TMEM44: variants seen among roughly 807,000 people sequenced by gnomAD.
TMEM44 encodes the protein transmembrane protein 44.
TMEM44 carries 43 observed loss-of-function variants against 47.8 expected under a neutral mutation model. The observed-to-expected ratio is 0.90, with a 90% confidence interval of 0.70 to 1.16. The LOEUF (loss-of-function observed/expected upper bound fraction) is 1.16, where lower values mean the gene tolerates loss of function less well. Among genes scored for constraint, TMEM44 ranks in the 50% most tolerant of loss-of-function variants. TMEM44 has a pLI of 0.00. For missense variants in TMEM44, 568 were observed against 555.2 expected (o/e 1.02, Z -0.23); for synonymous variants, 277 against 238.8 (o/e 1.16, Z -1.48).
intron 5 of TMEM44, among the ~76,000 whole-genome samples, chr3:194,619,082 G>A (rs1309715054): frequency 6.6e-6 from 1 of 152,250 alleles, no homozygotes; most frequent in Non-Finnish European, 1.5e-5. Context: ...TGTTACAGAG[G>A]ACACTGACGG....
At position 194,588,591 on chromosome 3, in the gene TMEM44, G is replaced by GC. The variant is rs1200210161; in HGVS notation, c.1224dup (p.Leu409AlafsTer18). ...TCCTGGTGCACCTGGGATCCCAGTA[G>GC]CTCCACATTTTCTTTGCTGCCTTCG... On this transcript the variant is annotated frameshift_variant, in exon 10 of 10. Coordinates refer to ENST00000347147, the MANE Select transcript of TMEM44 (RefSeq NM_001011655.3). LOFTEE classifies it low-confidence loss of function (END_TRUNC). 2 of 1,614,204 alleles carry GC rather than the reference G, an allele frequency of 1.2e-6. No individual in the cohort carries two copies. The highest frequency in any genetic ancestry group is 1.7e-6 in the Non-Finnish European group (2 of 1,180,048).
At chr3:194,616,976 C>A in intron 6 of TMEM44, 123 bp downstream of exon 6, 1 of 1,115,522 alleles carries the variant, frequency 9.0e-7, no homozygotes. Flanking sequence ...CAAACCACTC[C>A]CTTACTGCTG....
At chr3:194,633,043 C>CCGGCCCGACAG (rs1553842571) in intron 1 of TMEM44, 36 bp downstream of exon 1, 6 of 1,536,312 alleles carry the variant, frequency 3.9e-6, no homozygotes, top group Non-Finnish European at 5.3e-6. Flanking sequence ...CGCCCGTTTC[C>CCGGCCCGACAG]CCGCCCGACA....
At chr3:194,623,774 G>T in intron 3 of TMEM44, 79 bp from the exon 4 acceptor site, 1 of 1,573,374 alleles carries the variant, frequency 6.4e-7, no homozygotes, top group Non-Finnish European at 8.7e-7. Flanking sequence ...GGAAGAACTG[G>T]TGTCAGCTCC....
intron 9 of TMEM44, among the ~76,000 whole-genome samples, chr3:194,596,368 A>G (rs1174872597): frequency 6.6e-6 from 1 of 152,188 alleles, no homozygotes; most frequent in Non-Finnish European, 1.5e-5. Context: ...AGAGACTAAG[A>G]GTACAGAAGT....
intron 5 of TMEM44, among the ~76,000 whole-genome samples, chr3:194,618,830 G>A (rs1227641351): frequency 6.6e-6 from 1 of 152,192 alleles, no homozygotes; most frequent in Non-Finnish European, 1.5e-5. Context: ...GTCCCCTCCA[G>A]TTTTGTCTCC....
intron 5 of TMEM44, among the ~76,000 whole-genome samples, chr3:194,620,686 T>C (rs1476681004): frequency 1.3e-5 from 2 of 152,042 alleles, no homozygotes; most frequent in African/African-American, 2.4e-5. Flanking sequence ...GGGGCTGTTT[T>C]AGGTGGGGTG....
intron 8 of TMEM44, among the ~76,000 whole-genome samples, chr3:194,609,501 C>G (rs1715097428): frequency 6.6e-6 from 1 of 152,090 alleles, no homozygotes; most frequent in Admixed American, 6.5e-5. Context: ...CGTGGACTCT[C>G]AGAATGGAAT....
At chr3:194,594,797 C>A (rs187577068) in intron 9 of TMEM44, among the ~76,000 whole-genome samples, 1 of 152,290 alleles carries the variant, frequency 6.6e-6, no homozygotes, top group Non-Finnish European at 1.5e-5. Flanking sequence ...GCTCGAGTCT[C>A]CCAGCTGTGC....
At chr3:194,607,731 G>GT (rs1456693422) in intron 8 of TMEM44, among the ~76,000 whole-genome samples, 34 of 151,852 alleles carry the variant, frequency 2.2e-4, no homozygotes, top group Admixed American at 1.5e-3. Flanking sequence ...TAAGTACCAC[G>GT]TAAGTGTTGG....
rs112269330 is a variant in TMEM44, at chr3:194,613,906, T to C, written c.912+1663A>G. 2.9e-3 allele frequency among the ~76,000 whole-genome samples: 443 copies of C among 151,776 alleles called. 4 individuals carry two copies. Among genetic ancestry groups the C allele is most frequent in the African/African-American group, 0.01 (421 of 41,462 alleles). The stretch of plus-strand genomic sequence containing the variant: ...GGGAAGCCGAGGTGGGCGGATCATC[T>C]GAGGTTGGGAGTTTGAGACCAGCCT... On this transcript the variant is annotated intron_variant, in intron 7 of 9. Coordinates refer to ENST00000347147, the MANE Select transcript of TMEM44 (RefSeq NM_001011655.3).
intron 9 of TMEM44, among the ~76,000 whole-genome samples, chr3:194,599,727 G>A (rs1304751860): frequency 6.6e-6 from 1 of 151,520 alleles, no homozygotes; most frequent in Non-Finnish European, 1.5e-5. Context: ...TGGGATTACA[G>A]GCACGTGCCA....
intron 5 of TMEM44, among the ~76,000 whole-genome samples, chr3:194,622,383 T>C (rs909725723): frequency 3.9e-5 from 6 of 152,084 alleles, no homozygotes; most frequent in Admixed American, 3.3e-4. Flanking sequence ...TCTATCTTTC[T>C]TGAAGCGTGA....
chr3:194,632,480 G>A (rs1354214907), intron 1 of TMEM44, among the ~76,000 whole-genome samples: 1 of 152,120 alleles, frequency 6.6e-6, no homozygotes, highest in Non-Finnish European at 1.5e-5. Flanking sequence ...TTAGGCTACC[G>A]TGGGCATCTG....
At chr3:194,604,523 C>G in intron 8 of TMEM44, 78 bp from the exon 9 acceptor site, 1 of 1,441,714 alleles carries the variant, frequency 6.9e-7, no homozygotes, top group South Asian at 1.5e-5. Context: ...CATTCACATA[C>G]TTCAGTGTTC....
chr3:194,607,329 C>CT (rs1714887129), intron 8 of TMEM44, among the ~76,000 whole-genome samples: 1 of 152,192 alleles, frequency 6.6e-6, no homozygotes, highest in Non-Finnish European at 1.5e-5. Context: ...ACATAAACCT[C>CT]TATTCTTTCT....
chr3:194,623,696 C>T lies in TMEM44; in HGVS notation c.359-1G>A. The T allele has an allele frequency of 1.2e-6, 2 of 1,613,992 alleles. No homozygotes were observed. Among genetic ancestry groups the T allele is most frequent in the South Asian group, 2.2e-5 (2 of 91,054 alleles). ...CTCTTCCTCTCTCGGGCTTCCCGAT[C>T]TGCAACAGACACCAAAATCCCACAT... is the stretch of plus-strand genomic sequence containing the variant. On this transcript the variant is annotated splice_acceptor_variant, in intron 3 of 9. Coordinates refer to ENST00000347147, the MANE Select transcript of TMEM44 (RefSeq NM_001011655.3). LOFTEE classifies it high-confidence loss of function.
At chr3:194,596,383 C>CTA (rs1713414354) in intron 9 of TMEM44, among the ~76,000 whole-genome samples, 2 of 152,178 alleles carry the variant, frequency 1.3e-5, no homozygotes, top group Non-Finnish European at 2.9e-5. Flanking sequence ...AGAAGTTTTC[C>CTA]AGAGTGGTTT....
Position 194,628,428 on chromosome 3 carries a change from C to A in TMEM44, c.219G>T (p.Leu73=). 2 of 1,613,154 alleles carry A rather than the reference C, an allele frequency of 1.2e-6. No individual in the cohort carries two copies. Among genetic ancestry groups the A allele is most frequent in the Non-Finnish European group, 1.7e-6 (2 of 1,179,568 alleles). ...LCAACCLLTS[L]CDTVGALLAR... ...CCAGAAGAGCCCCGACGGTGTCACA[C>A]AGACTGGTCAGGAGGCAGCACGCAG... Residue 73 remains leucine, a synonymous_variant, in exon 2 of 10, where the codon CTG becomes CTT. Transcript: ENST00000347147.
Sources: gnomAD v4.1 joint callset for allele counts (sites outside exome capture counted in the v4.1 genomes callset) on GRCh38, gnomAD v4.1.1 for gene constraint, MANE v1.5 for transcripts, NCBI Gene and HGNC (gene_info 2026-07-23, HGNC 2026-07-21) for gene names.